GET1: variants seen among roughly 807,000 people sequenced by gnomAD.
GET1 encodes congenital heart disease 5 protein.
In GET1, 20 loss-of-function variants were observed where a neutral mutation model predicts 22.6. The ratio of observed to expected loss-of-function variants is 0.89; its 90% CI spans 0.62 to 1.29. The LOEUF is 1.29. GET1 is among the 50% of genes most tolerant of loss of function. GET1 has a pLI of 0.00. For missense variants in GET1, 209 were observed against 219.9 expected, an observed-to-expected ratio of 0.95 and a Z score of 0.31; for synonymous variants, 92 against 83.8, an observed-to-expected ratio of 1.10 and a Z score of -0.53.
intron 1 of GET1, among the ~76,000 whole-genome samples, chr21:39,387,491 C>G (rs151165021): frequency 6.6e-6 from 1 of 152,340 alleles, no homozygotes; most frequent in East Asian, 1.9e-4. Context: ...TGGCCCATTC[C>G]TATTTCCTTC....
downstream of GET1, among the ~76,000 whole-genome samples, chr21:39,402,331 C>T (rs2038861322): frequency 6.6e-6 from 1 of 152,176 alleles, no homozygotes; most frequent in African/African-American, 2.4e-5. Context: ...TCTCGAACTC[C>T]TGGCCTCAAG....
At chr21:39,413,303 G>A (rs1203722919) in intron 1 of GET1, among the ~76,000 whole-genome samples, 3 of 152,108 alleles carry the variant, frequency 2.0e-5, no homozygotes, top group Non-Finnish European at 4.4e-5. Flanking sequence ...AGAAGATAGG[G>A]ATGAGGAAAA....
intron 3 of GET1, 140 bp downstream of exon 3, chr21:39,391,976 C>T (rs2038329960): frequency 1.4e-6 from 1 of 719,982 alleles, no homozygotes; most frequent in South Asian, 1.6e-5. Context: ...ACATGGAGCT[C>T]TAAACACTCT....
downstream of GET1, among the ~76,000 whole-genome samples, chr21:39,398,270 A>G (rs2038748220): frequency 2.0e-5 from 3 of 152,162 alleles, no homozygotes. Context: ...TTCAGACGAA[A>G]TATAGCACCA....
At chr21:39,389,210 G>A (rs2038134481) in intron 1 of GET1, among the ~76,000 whole-genome samples, 1 of 152,086 alleles carries the variant, frequency 6.6e-6, no homozygotes, top group African/African-American at 2.4e-5. Flanking sequence ...GGGCTCAAGC[G>A]ATTCACCTGC....
downstream of GET1, among the ~76,000 whole-genome samples, chr21:39,401,154 ATCC>A (rs1266396491): frequency 1.3e-5 from 2 of 152,038 alleles, no homozygotes; most frequent in African/African-American, 4.8e-5. Flanking sequence ...GACTCAAGTA[ATCC>A]TCCTGCCTCA....
chr21:39,402,307 G>A (rs377219892), downstream of GET1, among the ~76,000 whole-genome samples: 8 of 152,268 alleles, frequency 5.3e-5, no homozygotes, highest in East Asian at 1.5e-3. Flanking sequence ...GTTTCACCAT[G>A]TTGGCCAGGC....
chr21:39,423,801 C>T (rs1195001384), intron 1 of GET1, among the ~76,000 whole-genome samples: 1 of 152,014 alleles, frequency 6.6e-6, no homozygotes, highest in African/African-American at 2.4e-5. Flanking sequence ...GATTGAAAAC[C>T]AGGTCTTCTT....
chr21:39,385,656 G>A (rs912221804), intron 1 of GET1, among the ~76,000 whole-genome samples: 1 of 152,230 alleles, frequency 6.6e-6, no homozygotes, highest in African/African-American at 2.4e-5. Flanking sequence ...CCCCAGGACT[G>A]GCGGGGGCTG....
At chr21:39,385,810 C>G (rs2037851037) in intron 1 of GET1, among the ~76,000 whole-genome samples, 1 of 151,990 alleles carries the variant, frequency 6.6e-6, no homozygotes, top group African/African-American at 2.4e-5. Flanking sequence ...TGCACAGGTG[C>G]CCCAGGACTG....
chr21:39,387,652 T>G (rs1190734056), intron 1 of GET1: 2 of 360,780 alleles, frequency 5.5e-6, no homozygotes, highest in African/African-American at 2.2e-5. Context: ...ACGCTGCGCA[T>G]GAGCCCCTAG....
chr21:39,410,844 A>AT (rs1275519305), downstream of GET1: 5 of 471,088 alleles, frequency 1.1e-5, no homozygotes, highest in Non-Finnish European at 2.2e-5. Flanking sequence ...ATTATTCTAG[A>AT]TTATAAGCCA....
chr21:39,405,444 T>G (rs1187360148), intron 4 of GET1, among the ~76,000 whole-genome samples: 1 of 152,198 alleles, frequency 6.6e-6, no homozygotes, highest in Non-Finnish European at 1.5e-5. Flanking sequence ...TCCTCCCACC[T>G]TGGCCTCCTA....
intron 1 of GET1, among the ~76,000 whole-genome samples, chr21:39,414,740 CTCTGTGTGTGTGTG>C (rs971391889): frequency 6.7e-5 from 7 of 104,118 alleles, no homozygotes; most frequent in Non-Finnish European, 1.1e-4. Flanking sequence ...CTCTCTCTCT[CTCTGTGTGTGTGTG>C]TGTGTGTGTG....
chr21:39,393,807 G>A (rs2038464937), intron 4 of GET1, among the ~76,000 whole-genome samples: 2 of 151,908 alleles, frequency 1.3e-5, no homozygotes, highest in East Asian at 2.0e-4. Context: ...GCACTACCAC[G>A]CCCAGCTAAT....
At chr21:39,409,921 T>C (rs570211000), downstream of GET1, 100 of 982,716 alleles carry the variant, frequency 1.0e-4, no homozygotes, top group Middle Eastern at 2.7e-4. The surrounding 1 kb of genome is among the most constrained non-coding windows in gnomAD (Gnocchi z 4.2). Flanking sequence ...TATACACATA[T>C]AGTAATTCAC....
At chr21:39,385,231 G>A (rs573209180) in intron 1 of GET1, among the ~76,000 whole-genome samples, 3 of 152,246 alleles carry the variant, frequency 2.0e-5, no homozygotes, top group East Asian at 3.9e-4. Context: ...TGAAGCTTTC[G>A]TCTTAGCAGA....
chr21:39,387,060 A>C (rs1216459084), intron 1 of GET1, among the ~76,000 whole-genome samples: 1 of 152,084 alleles, frequency 6.6e-6, no homozygotes, highest in Admixed American at 6.5e-5. Flanking sequence ...GGGTCTTGCT[A>C]TGTTGCCCCG....
chr21:39,380,909 C>T, intron 1 of GET1: 1 of 915,630 alleles, frequency 1.1e-6, no homozygotes, highest in Non-Finnish European at 1.3e-6. Context: ...GTCCAGGAGC[C>T]CACATTCTTG....
Sources: allele counts gnomAD v4.1 joint callset (sites outside exome capture counted in the v4.1 genomes callset), GRCh38; gene constraint gnomAD v4.1.1; non-coding constraint Gnocchi (gnomAD v3.1); transcripts MANE v1.5; gene names NCBI Gene and HGNC (gene_info 2026-07-23, HGNC 2026-07-21).